LTBP1: variants seen among roughly 807,000 people sequenced by gnomAD.
The protein encoded by LTBP1 is latent transforming growth factor beta binding protein 1, also known as latent-transforming growth factor beta-binding protein 1.
In LTBP1, 129 loss-of-function variants were observed where a neutral mutation model predicts 207.6. That is an observed-to-expected ratio of 0.62 (90% CI 0.54 to 0.72). LTBP1 has a LOEUF of 0.72. Among genes scored for constraint, LTBP1 ranks in the 30% least tolerant of loss-of-function variants. The pLI, the probability that LTBP1 is intolerant of heterozygous loss-of-function variation, is 0.00. For synonymous variants in LTBP1, 963 were observed against 833.7 expected, an observed-to-expected ratio of 1.16 and a Z score of -2.67; for missense variants, 2,281 against 2,217.2, an observed-to-expected ratio of 1.03 and a Z score of -0.58.
intron 5 of LTBP1, among the ~76,000 whole-genome samples, chr2:33,177,045 AG>A (rs2086135089): frequency 6.6e-6 from 1 of 152,174 alleles, no homozygotes; most frequent in African/African-American, 2.4e-5. Context: ...GAAGTGGGGT[AG>A]AAAAACATTA....
chr2:33,082,442 T>G (rs1335044727), intron 3 of LTBP1, among the ~76,000 whole-genome samples: 14 of 124,866 alleles, frequency 1.1e-4, no homozygotes, highest in Admixed American at 4.0e-4. Context: ...CTTTTTTTTT[T>G]TTTTTTTTTT....
At chr2:33,251,637 C>A (rs2092687326) in intron 10 of LTBP1, among the ~76,000 whole-genome samples, 1 of 140,116 alleles carries the variant, frequency 7.1e-6, no homozygotes, top group Non-Finnish European at 1.5e-5. Flanking sequence ...TGCACTCCGG[C>A]CTCGGCAACA....
In LTBP1 at chr2:33,344,600, C is replaced by T. The variant is rs2094676815; in HGVS notation, c.3856+1637C>T. On this transcript the variant is annotated intron_variant, in intron 25 of 33. Transcript: ENST00000404816. ...TGTCATCTTCCAGACACCATCCCTG[C>T]TCCATTCCTCACTCTCAAGCTGAGC... 3.3e-5 allele frequency among the ~76,000 whole-genome samples: 5 copies of T among 152,312 alleles called. No individual in the cohort carries two copies. In the South Asian group the frequency reaches 1.0e-3, roughly 32 times the overall value.
At position 33,056,508 on chromosome 2, in the gene LTBP1, C is replaced by G. The variant is rs1226704346; in HGVS notation, c.863+35302C>G. 1.5e-5 allele frequency: 11 copies of G among 743,444 alleles called. No homozygotes were observed. The Admixed American group carries it at 3.1e-4, about 21-fold the overall frequency. 46.1% of individuals were successfully genotyped at this position (743,444 alleles called of 1,614,324 possible). A position where few individuals can be genotyped will look rare whatever the true frequency, so the allele number is the denominator to read the frequency against. On this transcript the variant is annotated intron_variant, in intron 3 of 33. Transcript: ENST00000404816. ...GATGATGCGCGTCTTCTTCTTGTCC[C>G]TTCGTGGTTGCAAAAATGTGTCCAG...
chr2:33,074,724 G>A (rs992128367), intron 3 of LTBP1, among the ~76,000 whole-genome samples: 1 of 152,164 alleles, frequency 6.6e-6, no homozygotes, highest in African/African-American at 2.4e-5. Context: ...CAAAAAATTA[G>A]CCAGGCATGG....
chr2:32,950,473 T>A (rs145093430), intron 2 of LTBP1, among the ~76,000 whole-genome samples: 351 of 151,382 alleles, frequency 2.3e-3, no homozygotes, highest in African/African-American at 8.0e-3. Flanking sequence ...GCAGGAGAAT[T>A]GCTTGAACCC....
chr2:33,170,161 TG>T (rs936358645), intron 5 of LTBP1, among the ~76,000 whole-genome samples: 2 of 152,118 alleles, frequency 1.3e-5, no homozygotes, highest in Non-Finnish European at 2.9e-5. Context: ...CGCAGGACAG[TG>T]GGTGCAGTGC....
rs182147589 is a variant in LTBP1, at chr2:33,332,470, A to G, written c.3731-10368A>G. On this transcript the variant is annotated intron_variant, in intron 24 of 33. Coordinates refer to ENST00000404816, the MANE Select transcript of LTBP1 (RefSeq NM_206943.4). ...TCTGAGAAATATAAAGAAAAAAATC[A>G]TTTATCAACCAGTGTTAATTAATGT... Among the ~76,000 whole-genome samples the G allele has an allele frequency of 6.0e-4, 91 of 151,482 alleles. 2 individuals are homozygous for G. In the East Asian group the frequency reaches 0.014, roughly 24 times the overall value.
intron 19 of LTBP1, chr2:33,285,716 G>C (rs555256311): frequency 6.6e-6 from 1 of 152,040 alleles, no homozygotes; most frequent in African/African-American, 2.4e-5. Flanking sequence ...CAAAGTGCTG[G>C]GATTACAGGC....
intron 4 of LTBP1, among the ~76,000 whole-genome samples, chr2:33,127,938 G>A (rs114772527): frequency 1.5e-3 from 230 of 152,314 alleles, no homozygotes; most frequent in African/African-American, 5.3e-3. Flanking sequence ...GGTGGGAGGC[G>A]AGGCTAGGTT....
rs150419741 is a variant in LTBP1 at position 33,398,432 on chromosome 2, G to T, written c.5053G>T (p.Asp1685Tyr). 6.2e-7 allele frequency: 1 copy of T among 1,614,168 alleles called. No individual in the cohort carries two copies. Among genetic ancestry groups the T allele is most frequent in the African/African-American group, 1.3e-5 (1 of 75,034 alleles). Residue 1685 changes from aspartate (D) to tyrosine (Y), a missense_variant, in exon 34 of 34, where the codon GAT becomes TAT. This residue lies in a region of LTBP1 where 1,671 missense variants were observed against 1,634.8 expected (regional missense o/e 1.02). Transcript: ENST00000404816. Reference protein sequence around the residue: ...LCKNAKCINTDGSYKCLCLPG... With the variant: ...LCKNAKCINTYGSYKCLCLPG... ...CAAGAATGCCAAGTGCATTAACACC[G>T]ATGGTTCCTACAAGTGTTTGTGTCT...
At chr2:33,361,290 C>G in intron 27 of LTBP1, 139 bp from the exon 28 acceptor site, 1 of 549,060 alleles carries the variant, frequency 1.8e-6, no homozygotes, top group Non-Finnish European at 3.2e-6. Flanking sequence ...CTTAATCCAT[C>G]ATTTTTTGAG....
intron 7 of LTBP1, among the ~76,000 whole-genome samples, chr2:33,192,800 C>G (rs1013158470): frequency 2.6e-5 from 4 of 152,102 alleles, no homozygotes; most frequent in Non-Finnish European, 5.9e-5. Flanking sequence ...TATCAAGATG[C>G]CAGCATGTGA....
chr2:33,269,608 C>G (rs968218733), intron 15 of LTBP1, among the ~76,000 whole-genome samples: 2 of 152,218 alleles, frequency 1.3e-5, no homozygotes, highest in Non-Finnish European at 2.9e-5. Flanking sequence ...TGAGGCTTGA[C>G]TCTGGTGTAT....
intron 9 of LTBP1, among the ~76,000 whole-genome samples, chr2:33,238,295 C>T (rs1018443642): frequency 1.3e-5 from 2 of 152,170 alleles, no homozygotes; most frequent in African/African-American, 2.4e-5. Flanking sequence ...GTTGGACATG[C>T]CTCATTTCCT....
intron 4 of LTBP1, among the ~76,000 whole-genome samples, chr2:33,111,623 C>T (rs2080406807): frequency 2.6e-5 from 4 of 152,150 alleles, no homozygotes; most frequent in Admixed American, 2.6e-4. Context: ...GCTTTGGTTC[C>T]CTACACCCAC....
chr2:33,310,980 A>T (rs1330007725), intron 23 of LTBP1, among the ~76,000 whole-genome samples: 4 of 152,074 alleles, frequency 2.6e-5, no homozygotes, highest in African/African-American at 7.2e-5. Flanking sequence ...ATAAATAAAT[A>T]AAAAAAATTG....
intron 3 of LTBP1, among the ~76,000 whole-genome samples, chr2:33,084,085 A>G (rs1479857454): frequency 6.6e-6 from 1 of 152,198 alleles, no homozygotes; most frequent in Non-Finnish European, 1.5e-5. Context: ...TTCCATTTAA[A>G]GGGTAAGCTG....
At chr2:33,305,980 T>C (rs1553492270) in intron 22 of LTBP1, among the ~76,000 whole-genome samples, 13 of 152,198 alleles carry the variant, frequency 8.5e-5, no homozygotes, top group Non-Finnish European at 1.5e-5. Flanking sequence ...GATTCACTGT[T>C]CCTGCCCTTA....
Sources: allele counts gnomAD v4.1 joint callset (sites outside exome capture counted in the v4.1 genomes callset), GRCh38; gene constraint gnomAD v4.1.1; regional missense constraint gnomAD v4.1.1; transcripts MANE v1.5; gene names NCBI Gene and HGNC (gene_info 2026-07-23, HGNC 2026-07-21).